The following PRKN variants were observed in gnomAD, a reference collection of about 807,000 sequenced individuals.
The protein encoded by PRKN is E3 ubiquitin-protein ligase parkin.
A neutral mutation model predicts 59.5 loss-of-function variants in PRKN; 56 were observed. The observed-to-expected ratio is 0.94, with a 90% CI of 0.76 to 1.18. The LOEUF (loss-of-function observed/expected upper bound fraction) is 1.18, where lower values mean the gene tolerates loss of function less well. Ranked by LOEUF, PRKN falls within the 50% of genes most tolerant of loss-of-function variation. The probability of loss-of-function intolerance (pLI) is 0.00; values close to 1 mark genes in which losing one functional copy is unlikely to be tolerated. For missense variants in PRKN, 657 were observed against 596.4 expected (o/e 1.10, Z -1.06); for synonymous variants, 250 against 222.1 (o/e 1.13, Z -1.12).
In PRKN at chr6:161,419,865, T is replaced by C. The variant is rs2115025160; in HGVS notation, c.1084-32988A>G. ...AAAGGGGGAAATTGGTACCTACTTG[T>C]GGGATTGCTGTAGAGATTCAAATAC... On this transcript the variant is annotated intron_variant, in intron 9 of 11. Transcript: ENST00000366898. The surrounding 1 kb of genome is among the most constrained non-coding windows in gnomAD (Gnocchi z 4.1). Among the ~76,000 whole-genome samples the C allele has an allele frequency of 6.6e-6, 1 of 152,010 alleles. No homozygotes were observed. Among genetic ancestry groups the C allele is most frequent in the Non-Finnish European group, 1.5e-5 (1 of 67,992 alleles).
rs1785754791 is a variant in PRKN at position 161,377,231 on chromosome 6, G to A, written c.1167+9563C>T. 2.0e-5 allele frequency among the ~76,000 whole-genome samples: 3 copies of A among 152,248 alleles called. No homozygotes were observed. Among genetic ancestry groups the A allele is most frequent in the African/African-American group, 7.2e-5 (3 of 41,480 alleles). ...CTGGCACGCTACCGAGCCCTGTGGA[G>A]TTGGAGCATCTGTGCAGCAATTGTC... On this transcript the variant is annotated intron_variant, in intron 10 of 11. Coordinates refer to ENST00000366898, the MANE Select transcript of PRKN (RefSeq NM_004562.3). The surrounding 1 kb of genome is among the most constrained non-coding windows in gnomAD (Gnocchi z 4.2).
chr6:162,399,377 C>T lies in PRKN; in HGVS notation c.171+43933G>A, dbSNP rs752598048. 2.0e-5 allele frequency among the ~76,000 whole-genome samples: 3 copies of T among 152,064 alleles called. No individual in the cohort carries two copies. In the East Asian group the frequency reaches 5.8e-4, roughly 29 times the overall value. ...AATTAATAATCACACAGCAAGGCCA[C>T]GGTTGGAAGAAGCAGTCTGTATCCA... On this transcript the variant is annotated intron_variant, in intron 2 of 11. Transcript: ENST00000366898.
chr6:161,933,447 T>C (rs148250123), intron 6 of PRKN, among the ~76,000 whole-genome samples: 183 of 152,330 alleles, frequency 1.2e-3, no homozygotes, highest in African/African-American at 4.3e-3. Flanking sequence ...ATCCTGAATG[T>C]TTGGCTTAAT....
intron 4 of PRKN, among the ~76,000 whole-genome samples, chr6:162,188,219 C>A (rs150437449): frequency 8.5e-5 from 13 of 152,130 alleles, no homozygotes; most frequent in African/African-American, 2.7e-4. Context: ...TGCTCAGTCT[C>A]GGGTATGTCT....
At chr6:161,633,997 A>C (rs1011267523) in intron 7 of PRKN, among the ~76,000 whole-genome samples, 6 of 142,130 alleles carry the variant, frequency 4.2e-5, no homozygotes, top group Admixed American at 3.5e-4. Flanking sequence ...GGAAAACTTA[A>C]ACACACACAC....
rs1018197940 is a variant in PRKN, at chr6:161,385,701, A to G, written c.1167+1093T>C. Among the ~76,000 whole-genome samples, 3 of 152,186 alleles carry G rather than the reference A, an allele frequency of 2.0e-5. No homozygotes were observed. On this transcript the variant is annotated intron_variant, in intron 10 of 11. Coordinates refer to ENST00000366898, the MANE Select transcript of PRKN (RefSeq NM_004562.3). The surrounding 1 kb of genome is among the most constrained non-coding windows in gnomAD (Gnocchi z 4.9). ...CAGAGCCTCAGGTATACCCGCCTCC[A>G]TTACAGCGGTCCTGAGGCAGGGGTC...
intron 8 of PRKN, among the ~76,000 whole-genome samples, chr6:161,567,468 C>T (rs1780699336): frequency 6.6e-6 from 1 of 152,114 alleles, no homozygotes. Flanking sequence ...AGATTTTTCA[C>T]TCCTCTATCC....
chr6:162,255,702 G>A (rs933562381), intron 3 of PRKN, among the ~76,000 whole-genome samples: 20 of 152,238 alleles, frequency 1.3e-4, no homozygotes, highest in African/African-American at 2.2e-4. Flanking sequence ...ACTGCCAGTC[G>A]GCTTAGCATT....
At chr6:161,834,541 T>C (rs181090500) in intron 6 of PRKN, among the ~76,000 whole-genome samples, 12 of 152,302 alleles carry the variant, frequency 7.9e-5, no homozygotes, top group Admixed American at 7.2e-4. Context: ...ACACCATCAA[T>C]GAGGTAAGAT....
rs187758984 is a variant in PRKN, at chr6:161,400,505, G to A, written c.1084-13628C>T. On this transcript the variant is annotated intron_variant, in intron 9 of 11. Coordinates refer to ENST00000366898, the MANE Select transcript of PRKN (RefSeq NM_004562.3). The surrounding 1 kb of genome is among the most constrained non-coding windows in gnomAD (Gnocchi z 4.2). ...GTATTTTTAGTAGAGACGGGGTTTC[G>A]CTTTCGCCATATTGGCCAGGCTGGT... Among the ~76,000 whole-genome samples the A allele has an allele frequency of 2.6e-3, 400 of 151,944 alleles. 3 individuals carry two copies. The highest frequency in any genetic ancestry group is 4.1e-3 in the Non-Finnish European group (279 of 67,984).
intron 1 of PRKN, among the ~76,000 whole-genome samples, chr6:162,673,113 A>G (rs750175667): frequency 2.0e-5 from 3 of 152,150 alleles, no homozygotes; most frequent in African/African-American, 2.4e-5. Flanking sequence ...GTCACTGCCC[A>G]TCCATTTATT....
At position 161,348,101 on chromosome 6, in the gene PRKN, G is replaced by A. The variant is rs972509346; in HGVS notation, c.*1998C>T. 11 of 189,728 alleles carry A rather than the reference G, an allele frequency of 5.8e-5. No homozygotes were observed. Among genetic ancestry groups the A allele is most frequent in the Admixed American group, 5.6e-4 (9 of 16,200 alleles). The allele number at this position is 189,728 out of a possible 1,614,324, so 11.8% of individuals were successfully genotyped here. A position where few individuals can be genotyped will look rare whatever the true frequency, so the allele number is the denominator to read the frequency against. On this transcript the variant is annotated 3_prime_UTR_variant, in exon 12 of 12. Transcript: ENST00000366898. This position sits in a 1 kb window ranked among gnomAD's most constrained non-coding sequence, Gnocchi z 4.9. The stretch of plus-strand genomic sequence containing the variant: ...AACGCAGCATGCAGATTGGGAAGGC[G>A]CAATAATGCAAACACCATCAGGAAG...
Position 161,413,641 on chromosome 6 carries a change from C to T in PRKN, c.1084-26764G>A, listed in dbSNP as rs546988207. Among the ~76,000 whole-genome samples the T allele has an allele frequency of 6.6e-6, 1 of 152,052 alleles. No homozygotes were observed. The highest frequency in any genetic ancestry group is 2.4e-5 in the African/African-American group (1 of 41,386). On this transcript the variant is annotated intron_variant, in intron 9 of 11. Coordinates refer to ENST00000366898, the MANE Select transcript of PRKN (RefSeq NM_004562.3). This position sits in a 1 kb window ranked among gnomAD's most constrained non-coding sequence, Gnocchi z 4.4. ...AAGCTCACAGAGGCATGGGCTGCACCGGGTCCCAGGGACACCTGAGCACGT... is the reference window on the plus strand; with the variant it reads ...AAGCTCACAGAGGCATGGGCTGCACTGGGTCCCAGGGACACCTGAGCACGT...
chr6:162,392,018 T>C lies in PRKN; in HGVS notation c.171+51292A>G, dbSNP rs114054115. Among the ~76,000 whole-genome samples, 1,009 of 143,554 alleles carry C rather than the reference T, an allele frequency of 7.0e-3. 8 individuals carry two copies. The highest frequency in any genetic ancestry group is 0.014 in the Middle Eastern group (4 of 282). The allele number at this position is 143,554 out of a possible 152,430, so 94.2% of individuals were successfully genotyped here. On this transcript the variant is annotated intron_variant, in intron 2 of 11. Transcript: ENST00000366898. The stretch of plus-strand genomic sequence containing the variant: ...GTATTTTAACATTCTTCACTTTTCT[T>C]AGTACTGCCATTTCATGATTTTTTT...
intron 9 of PRKN, among the ~76,000 whole-genome samples, chr6:161,523,365 A>C (rs1322512384): frequency 6.6e-6 from 1 of 152,200 alleles, no homozygotes; most frequent in Non-Finnish European, 1.5e-5. Context: ...TTCATACATA[A>C]ATTGAGAATA....
chr6:162,392,274 T>C (rs906666769), intron 2 of PRKN, among the ~76,000 whole-genome samples: 5 of 152,150 alleles, frequency 3.3e-5, no homozygotes, highest in Admixed American at 1.3e-4. Context: ...CCTCCTGATA[T>C]AGTCCTCATG....
intron 4 of PRKN, among the ~76,000 whole-genome samples, chr6:162,148,593 G>GAAAC (rs34428585): frequency 0.42 from 62,910 of 151,266 alleles, 14,717 homozygotes; most frequent in Non-Finnish European, 0.52. Context: ...AAGCCAGATT[G>GAAAC]AAACAAACAA....
intron 5 of PRKN, among the ~76,000 whole-genome samples, chr6:162,051,472 T>A (rs1325077507): frequency 6.6e-6 from 1 of 152,220 alleles, no homozygotes; most frequent in African/African-American, 2.4e-5. Flanking sequence ...AGAGATGGTC[T>A]TAGGGCTGCT....
At chr6:161,520,962 C>T (rs1377648606) in intron 9 of PRKN, among the ~76,000 whole-genome samples, 1 of 152,150 alleles carries the variant, frequency 6.6e-6, no homozygotes, top group Non-Finnish European at 1.5e-5. Context: ...AGCTACAGAG[C>T]TTAATTAAAC....
Sources: gnomAD v4.1 joint callset for allele counts (sites outside exome capture counted in the v4.1 genomes callset) on GRCh38, gnomAD v4.1.1 for gene constraint, Gnocchi (gnomAD v3.1) non-coding constraint, MANE v1.5 for transcripts, NCBI Gene and HGNC (gene_info 2026-07-23, HGNC 2026-07-21) for gene names.